The following DDX47 variants were observed in gnomAD, a reference collection of about 807,000 sequenced individuals.
The protein encoded by DDX47 is probable ATP-dependent RNA helicase DDX47.
Under a neutral mutation model 58.8 loss-of-function variants are expected in DDX47, and 60 were observed. The observed-to-expected ratio is 1.02, with a 90% CI of 0.83 to 1.26. The LOEUF (loss-of-function observed/expected upper bound fraction) is 1.26, where lower values mean the gene tolerates loss of function less well. Ranked by LOEUF, DDX47 falls within the 50% of genes most tolerant of loss-of-function variation. The pLI, the probability that DDX47 is intolerant of heterozygous loss-of-function variation, is 0.00. For missense variants in DDX47, 530 were observed against 573.2 expected (o/e 0.92, Z 0.77); for synonymous variants, 197 against 204.6 (o/e 0.96, Z 0.32).
intron 11 of DDX47, 93 bp downstream of exon 11, chr12:12,827,468 C>T: frequency 1.4e-6 from 2 of 1,402,564 alleles, no homozygotes; most frequent in South Asian, 1.3e-5. Flanking sequence ...ACTGCAGAAG[C>T]TGGGTATTAT....
At position 12,823,176 on chromosome 12, in the gene DDX47, G is replaced by C. The variant is rs768259934; in HGVS notation, c.634-27G>C. On this transcript the variant is annotated intron_variant, in intron 6 of 11. Transcript: ENST00000358007. ...AAATAAAGAGTGTTTAGGCATCAGT[G>C]TGCTATTCTGGATCTTCTTCCTTCA... 3 of 1,387,554 alleles carry C rather than the reference G, an allele frequency of 2.2e-6. No individual in the cohort carries two copies. In the South Asian group the frequency reaches 3.5e-5, roughly 16 times the overall value. 86.0% of individuals were successfully genotyped at this position (1,387,554 alleles called of 1,614,324 possible).
intron 2 of DDX47, among the ~76,000 whole-genome samples, chr12:12,818,550 G>A (rs929141835): frequency 7.2e-5 from 11 of 152,034 alleles, no homozygotes; most frequent in African/African-American, 2.7e-4. Flanking sequence ...CCATTGTCTG[G>A]TTTGACTTGT....
At chr12:12,826,610 G>A (rs914030427) in intron 10 of DDX47, among the ~76,000 whole-genome samples, 7 of 151,890 alleles carry the variant, frequency 4.6e-5, no homozygotes, top group African/African-American at 1.7e-4. Context: ...AGCACACCTG[G>A]CTTTTTAAAA....
At position 12,822,055 on chromosome 12, in the gene DDX47, G is replaced by A. The variant is rs199573191; in HGVS notation, c.533G>A (p.Arg178Gln). The change falls in exon 5 of 12, where the codon CGA becomes CAA. Residue 178 changes from arginine to glutamine, a missense_variant. Coordinates refer to ENST00000358007, the MANE Select transcript of DDX47 (RefSeq NM_016355.4). ...LKYLVMDEAD[R>Q]ILNMDFETEV... is the part of the protein sequence containing the mutation. ...TACTTGGTCATGGATGAAGCCGACC[G>A]AATACTGAATATGGATTTTGAGACA... The A allele has an allele frequency of 2.3e-5, 37 of 1,612,658 alleles. No homozygotes were observed. In the East Asian group the frequency reaches 4.9e-4, roughly 21 times the overall value.
At chr12:12,816,865 C>T (rs905751250) in intron 2 of DDX47, among the ~76,000 whole-genome samples, 10 of 152,134 alleles carry the variant, frequency 6.6e-5, no homozygotes, top group Non-Finnish European at 1.3e-4. Flanking sequence ...TTCCAGCTTG[C>T]CCTACAGTGT....
Position 12,821,157 on chromosome 12 carries a change from C to T in DDX47, c.182-51C>T. 2.5e-6 allele frequency: 4 copies of T among 1,583,332 alleles called. 1 individual carries two copies. Among genetic ancestry groups the T allele is most frequent in the South Asian group, 2.2e-5 (2 of 89,928 alleles). On this transcript the variant is annotated intron_variant, in intron 2 of 11. Transcript: ENST00000358007. The stretch of plus-strand genomic sequence containing the variant: ...CAGCATTGTGTCATTGTAGAAAACA[C>T]AGAAATAGCGCAAAGAGATTACTTG...
rs1354059622 is a variant in DDX47, at chr12:12,827,869, C to CTTTTTTTTTT, written c.1236+500_1236+501insTTTTTTTTTT. 1.1e-4 allele frequency among the ~76,000 whole-genome samples: 12 copies of CTTTTTTTTTT among 109,686 alleles called. 1 individual carries two copies. The highest frequency in any genetic ancestry group is 1.7e-4 in the Non-Finnish European group (9 of 54,366). The allele number at this position is 109,686 out of a possible 152,430, so 72.0% of individuals were successfully genotyped here. A position where few individuals can be genotyped will look rare whatever the true frequency, so the allele number is the denominator to read the frequency against. ...TCCAAAACCAAGATCCAAAACTTTT[C>CTTTTTTTTTT]TTTTTTCTTTTTTTTTTTTTTTTTG... is the stretch of plus-strand genomic sequence containing the variant. On this transcript the variant is annotated intron_variant, in intron 11 of 11. Coordinates refer to ENST00000358007, the MANE Select transcript of DDX47 (RefSeq NM_016355.4).
chr12:12,821,697 C>T lies in DDX47; in HGVS notation c.413C>T (p.Ala138Val). 1 of 1,613,276 alleles carries T rather than the reference C, an allele frequency of 6.2e-7. No homozygotes were observed. The highest frequency in any genetic ancestry group is 8.5e-7 in the Non-Finnish European group (1 of 1,179,606). ...ATTGATTCAATGTCTCAATCTTTGG[C>T]CCTTGCAAAAAAACCACATATAATA... Reference protein sequence around the residue: ...GGIDSMSQSLALAKKPHIIIA... With the variant: ...GGIDSMSQSLVLAKKPHIIIA... The change falls in exon 4 of 12, where the codon GCC (alanine) becomes GTC (valine). Residue 138 changes from alanine to valine, a missense_variant. Ala to Val is a moderately conservative substitution (Grantham distance 64, BLOSUM62 0). Transcript: ENST00000358007.
At chr12:12,813,603 G>C in intron 1 of DDX47, 149 bp downstream of exon 1, 1 of 750,710 alleles carries the variant, frequency 1.3e-6, no homozygotes, top group South Asian at 1.8e-5. Context: ...GCTGGGTTTC[G>C]GACGTGCTCT....
At chr12:12,817,752 A>G (rs1862917595) in intron 2 of DDX47, among the ~76,000 whole-genome samples, 1 of 152,196 alleles carries the variant, frequency 6.6e-6, no homozygotes, top group Non-Finnish European at 1.5e-5. Context: ...CGGTTTCTTC[A>G]GAGATGAAGA....
chr12:12,829,745 C>G lies in DDX47; in HGVS notation c.*191C>G, dbSNP rs1345048944. 1 of 563,106 alleles carries G rather than the reference C, an allele frequency of 1.8e-6. No individual in the cohort carries two copies. Among genetic ancestry groups the G allele is most frequent in the Non-Finnish European group, 2.9e-6 (1 of 344,186 alleles). The allele number at this position is 563,106 out of a possible 1,614,324, so 34.9% of individuals were successfully genotyped here. ...AATTCTTACAGTGCTGATGTCAAGA[C>G]TGTTACTGTTCTTCGACTTTGATTC... On this transcript the variant is annotated 3_prime_UTR_variant, in exon 12 of 12. Coordinates refer to ENST00000358007, the MANE Select transcript of DDX47 (RefSeq NM_016355.4).
intron 2 of DDX47, 110 bp downstream of exon 2, chr12:12,814,334 A>G: frequency 1.4e-6 from 1 of 740,496 alleles, no homozygotes; most frequent in Non-Finnish European, 2.4e-6. Context: ...TGGTCACTAA[A>G]GGTACAAAGT....
intron 8 of DDX47, 21 bp from the exon 9 acceptor site, chr12:12,824,519 A>C: frequency 6.3e-7 from 1 of 1,596,034 alleles, no homozygotes; most frequent in Non-Finnish European, 8.5e-7. Context: ...GTTTTCCAAC[A>C]TTTCTTTTTC....
At chr12:12,816,845 A>G (rs933418003) in intron 2 of DDX47, among the ~76,000 whole-genome samples, 2 of 152,234 alleles carry the variant, frequency 1.3e-5, no homozygotes, top group Non-Finnish European at 2.9e-5. Context: ...GCGTTCATGC[A>G]TTTTAACTTT....
rs774505295 is a variant in DDX47 at position 12,823,934 on chromosome 12, C to G, written c.815C>G (p.Thr272Ser). 13 of 1,614,016 alleles carry G rather than the reference C, an allele frequency of 8.1e-6. No individual in the cohort carries two copies. The highest frequency in any genetic ancestry group is 1.3e-5 in the African/African-American group (1 of 74,924). Residue 272 changes from threonine to serine, a missense_variant, in exon 8 of 12, where the codon ACC becomes AGC. Thr to Ser is a moderately conservative substitution (Grantham distance 58, BLOSUM62 1). Coordinates refer to ENST00000358007, the MANE Select transcript of DDX47 (RefSeq NM_016355.4). ...AGNSFMIFCSTCNNTQRTALL... is the reference protein window; with the variant it reads ...AGNSFMIFCSSCNNTQRTALL... ...AACTCCTTTATGATATTCTGCAGCA[C>G]CTGTAATAATACCCAGAGAACAGCT... is the stretch of plus-strand genomic sequence containing the variant.
chr12:12,819,070 A>G (rs1227060782), intron 2 of DDX47, among the ~76,000 whole-genome samples: 1 of 152,202 alleles, frequency 6.6e-6, no homozygotes, highest in East Asian at 1.9e-4. Flanking sequence ...TGGATCTTAC[A>G]GGTCTGTTCT....
chr12:12,823,569 A>G (rs1329184474), intron 7 of DDX47: 3 of 550,974 alleles, frequency 5.4e-6, no homozygotes, highest in Non-Finnish European at 9.6e-6. Context: ...TCCTTGAGGT[A>G]ATTTTTCCTT....
intron 10 of DDX47, chr12:12,826,437 C>T (rs947815906): frequency 1.3e-5 from 2 of 155,698 alleles, no homozygotes; most frequent in Non-Finnish European, 2.8e-5. Context: ...GGGATTTTCT[C>T]CCTCCCTCCT....
chr12:12,829,406 C>T lies in DDX47; in HGVS notation c.1237-17C>T. The T allele has an allele frequency of 6.3e-7, 1 of 1,598,884 alleles. No homozygotes were observed. The highest frequency in any genetic ancestry group is 2.2e-5 in the East Asian group (1 of 44,548). On this transcript the variant is annotated splice_polypyrimidine_tract_variant and intron_variant, in intron 11 of 11. Coordinates refer to ENST00000358007, the MANE Select transcript of DDX47 (RefSeq NM_016355.4). ...AGTAATTCATTTTCAATCCCATCCT[C>T]TCTTTTTTTCTTGCAGGAGTTAAGG... is the stretch of plus-strand genomic sequence containing the variant.
Sources: gnomAD v4.1 joint callset for allele counts (sites outside exome capture counted in the v4.1 genomes callset) on GRCh38, gnomAD v4.1.1 for gene constraint, MANE v1.5 for transcripts, NCBI Gene and HGNC (gene_info 2026-07-23, HGNC 2026-07-21) for gene names.